Variants in GOPC observed in about 807,000 individuals in gnomAD.
GOPC encodes Golgi-associated PDZ and coiled-coil motif-containing protein.
GOPC carries 32 observed loss-of-function variants against 51.2 expected under a neutral mutation model. The ratio of observed to expected loss-of-function variants is 0.63; its 90% confidence interval spans 0.47 to 0.84. The LOEUF is 0.84. GOPC is among the 40% of genes least tolerant of loss of function. The pLI is 0.00. For synonymous variants in GOPC, 190 were observed against 205.1 expected (o/e 0.93, Z 0.63); for missense variants, 441 against 555.5 (o/e 0.79, Z 2.07).
chr6:117,599,460 T>C (rs867013997), intron 1 of GOPC, among the ~76,000 whole-genome samples: 5 of 152,214 alleles, frequency 3.3e-5, no homozygotes, highest in African/African-American at 1.2e-4. Flanking sequence ...CTGCTGACAA[T>C]GAACTTCTTT....
chr6:117,575,875 C>T (rs908981213), intron 3 of GOPC, among the ~76,000 whole-genome samples: 4 of 152,006 alleles, frequency 2.6e-5, no homozygotes, highest in African/African-American at 7.2e-5. Context: ...TTTGTGAGGA[C>T]GTAAATAAAA....
At position 117,593,588 on chromosome 6, in the gene GOPC, C is replaced by T. The variant is rs867346208; in HGVS notation, c.285+8416G>A. Among the ~76,000 whole-genome samples, 4 of 152,286 alleles carry T rather than the reference C, an allele frequency of 2.6e-5. No homozygotes were observed. The South Asian group carries it at 6.2e-4, about 24-fold the overall frequency. On this transcript the variant is annotated intron_variant, in intron 1 of 8. Transcript: ENST00000368498. ...TTTGTGCAGAGACTGATTTCTCTAG[C>T]TCCGTAGCCTCAGGCCTCTTACTTA... is the stretch of plus-strand genomic sequence containing the variant.
intron 1 of GOPC, among the ~76,000 whole-genome samples, chr6:117,587,551 G>A (rs1270019721): frequency 1.3e-5 from 2 of 151,524 alleles, no homozygotes; most frequent in African/African-American, 4.8e-5. Context: ...AAATTGTAAT[G>A]AGCTGTATGA....
chr6:117,570,989 T>C lies in GOPC; in HGVS notation c.817-34A>G, dbSNP rs755944805. On this transcript the variant is annotated intron_variant, in intron 5 of 8. Coordinates refer to ENST00000368498, the MANE Select transcript of GOPC (RefSeq NM_020399.4). Reference sequence around the variant, plus strand: ...GAGGAAAAAAGAAGAAAAAGTAGTATCATTTAAATAGCATACCAAATAGAG... The same window carrying C: ...GAGGAAAAAAGAAGAAAAAGTAGTACCATTTAAATAGCATACCAAATAGAG... The C allele has an allele frequency of 1.2e-5, 13 of 1,077,252 alleles. No homozygotes were observed. In the Admixed American group the frequency reaches 1.3e-4, roughly 11 times the overall value. The allele number at this position is 1,077,252 out of a possible 1,614,324, so 66.7% of individuals were successfully genotyped here.
chr6:117,596,055 C>T (rs1780192692), intron 1 of GOPC, among the ~76,000 whole-genome samples: 1 of 150,916 alleles, frequency 6.6e-6, no homozygotes, highest in South Asian at 2.1e-4. Context: ...TCCGTGCCAA[C>T]ATCTATTTTT....
At chr6:117,573,426 A>C (rs1235503776) in intron 5 of GOPC, 41 bp downstream of exon 5, 2 of 1,578,182 alleles carry the variant, frequency 1.3e-6, no homozygotes, top group Non-Finnish European at 1.7e-6. Flanking sequence ...TAAAGAAAGA[A>C]AGAAGAGGCT....
intron 1 of GOPC, among the ~76,000 whole-genome samples, chr6:117,596,071 T>C (rs571790772): frequency 6.6e-6 from 1 of 151,954 alleles, no homozygotes; most frequent in South Asian, 2.1e-4. Flanking sequence ...TTTTTTTTTA[T>C]TTTTTTGATT....
At chr6:117,580,828 C>G (rs1779946317) in intron 1 of GOPC, among the ~76,000 whole-genome samples, 1 of 152,042 alleles carries the variant, frequency 6.6e-6, no homozygotes, top group Non-Finnish European at 1.5e-5. Context: ...GACATGTTAT[C>G]ATGGTAACTT....
intron 8 of GOPC, among the ~76,000 whole-genome samples, chr6:117,564,804 A>C (rs112572705): frequency 2.0e-3 from 302 of 152,344 alleles, no homozygotes; most frequent in African/African-American, 6.9e-3. Flanking sequence ...CCCAACAATT[A>C]AGGTTTTGAC....
intron 1 of GOPC, among the ~76,000 whole-genome samples, chr6:117,588,459 A>G (rs1243183843): frequency 6.6e-6 from 1 of 151,928 alleles, no homozygotes; most frequent in Non-Finnish European, 1.5e-5. Context: ...TATTTTTAGT[A>G]GAGATGGGGT....
At chr6:117,601,679 A>G (rs899798742) in intron 1 of GOPC, among the ~76,000 whole-genome samples, 77 of 152,372 alleles carry the variant, frequency 5.1e-4, no homozygotes, top group Non-Finnish European at 9.3e-4. Context: ...AGTTGTCAAA[A>G]GGTGGCCTAC....
chr6:117,581,672 A>C (rs753197449), intron 1 of GOPC, among the ~76,000 whole-genome samples: 26 of 152,248 alleles, frequency 1.7e-4, no homozygotes, highest in Non-Finnish European at 3.2e-4. Flanking sequence ...CATTTTCAGC[A>C]ATATTGTATT....
At chr6:117,587,637 G>T (rs1252030739) in intron 1 of GOPC, among the ~76,000 whole-genome samples, 3 of 152,050 alleles carry the variant, frequency 2.0e-5, no homozygotes, top group Non-Finnish European at 4.4e-5. Flanking sequence ...TACTAAAGCA[G>T]CAGGTCCCAA....
In GOPC at chr6:117,592,364, C is replaced by CA. The variant is rs911771377; in HGVS notation, c.285+9639dup. On this transcript the variant is annotated intron_variant, in intron 1 of 8. Transcript: ENST00000368498. ...CATGGGCAACAGAGTGAGACTCTGT[C>CA]AAAAAAAAAAAATTACCACAAACGT... Among the ~76,000 whole-genome samples the CA allele has an allele frequency of 1.9e-3, 278 of 144,286 alleles. 1 individual carries two copies. The highest frequency in any genetic ancestry group is 2.9e-3 in the Admixed American group (42 of 14,582). 94.7% of individuals were successfully genotyped at this position (144,286 alleles called of 152,430 possible). A position where few individuals can be genotyped will look rare whatever the true frequency, so the allele number is the denominator to read the frequency against.
Position 117,577,454 on chromosome 6 carries a change from C to T in GOPC, c.468G>A (p.Glu156=), listed in dbSNP as rs1406954766. The part of the protein sequence containing the change: ...IKAKLSGPSV[E]ELERELEANK... ...ACAGAAACAATATACTTACCAGCTC[C>T]TCCACAGAGGGGCCAGACTTCAGAT... The change falls in exon 3 of 9, where the codon GAG becomes GAA. Residue 156 remains glutamate (E), a synonymous_variant. Coordinates refer to ENST00000368498, the MANE Select transcript of GOPC (RefSeq NM_020399.4). 2 of 1,605,384 alleles carry T rather than the reference C, an allele frequency of 1.2e-6. No individual in the cohort carries two copies. Among genetic ancestry groups the T allele is most frequent in the Non-Finnish European group, 1.7e-6 (2 of 1,176,050 alleles).
chr6:117,591,122 G>C (rs1344388326), intron 1 of GOPC, among the ~76,000 whole-genome samples: 1 of 152,158 alleles, frequency 6.6e-6, no homozygotes, highest in Non-Finnish European at 1.5e-5. Context: ...AAAGTGCTGG[G>C]ATTACAGGCG....
At chr6:117,571,714 G>C (rs1779810394) in intron 5 of GOPC, among the ~76,000 whole-genome samples, 1 of 152,054 alleles carries the variant, frequency 6.6e-6, no homozygotes, top group South Asian at 2.1e-4. Context: ...ATGCACAACT[G>C]GAATTTTCTT....
intron 1 of GOPC, among the ~76,000 whole-genome samples, chr6:117,581,244 TAGA>T (rs1175280823): frequency 6.6e-6 from 1 of 152,260 alleles, no homozygotes; most frequent in East Asian, 1.9e-4. Context: ...GCCCAAGAGG[TAGA>T]AGAAAAGAAG....
chr6:117,599,484 C>T (rs1237202102), intron 1 of GOPC, among the ~76,000 whole-genome samples: 1 of 152,184 alleles, frequency 6.6e-6, no homozygotes, highest in Non-Finnish European at 1.5e-5. Flanking sequence ...CAGCAATACA[C>T]AATTGATTCC....
Sources: allele counts gnomAD v4.1 joint callset (sites outside exome capture counted in the v4.1 genomes callset), GRCh38; gene constraint gnomAD v4.1.1; transcripts MANE v1.5; gene names NCBI Gene and HGNC (gene_info 2026-07-23, HGNC 2026-07-21).